SAMD3: variants seen among roughly 807,000 people sequenced by gnomAD.
SAMD3 encodes the protein sterile alpha motif domain containing 3.
In SAMD3, 63 loss-of-function variants were observed where a neutral mutation model predicts 58.5. That is an observed-to-expected ratio of 1.08 (90% CI 0.88 to 1.33). The LOEUF (loss-of-function observed/expected upper bound fraction) is 1.33. Ranked by LOEUF, SAMD3 falls within the 40% of genes most tolerant of loss-of-function variation. SAMD3 has a pLI of 0.00. For missense variants in SAMD3, 604 were observed against 608.4 expected (o/e 0.99, Z 0.08); for synonymous variants, 220 against 210.3 (o/e 1.05, Z -0.40).
At chr6:130,176,080 A>T in intron 7 of SAMD3, 72 bp from the exon 8 acceptor site, 1 of 1,167,136 alleles carries the variant, frequency 8.6e-7, no homozygotes, top group Non-Finnish European at 1.3e-6. Flanking sequence ...ACGTCTATAC[A>T]ACAACAATAC....
chr6:130,168,432 CA>C (rs1245330087), intron 8 of SAMD3, among the ~76,000 whole-genome samples: 1 of 150,966 alleles, frequency 6.6e-6, no homozygotes, highest in African/African-American at 2.4e-5. Context: ...AAACACCACC[CA>C]AAAAAAACAA....
At position 130,364,830 on chromosome 6, in the gene SAMD3, T is replaced by C. The variant is rs150838332; in HGVS notation, c.-304+290A>G. Among the ~76,000 whole-genome samples, 9 of 152,186 alleles carry C rather than the reference T, an allele frequency of 5.9e-5. No homozygotes were observed. In the East Asian group the frequency reaches 1.7e-3, roughly 29 times the overall value. ...TCTACAGTCTCTTCTCATTGCCATA[T>C]CTGATTTTAAAGACTTTTTTTTCTA... On this transcript the variant is annotated intron_variant, in intron 1 of 13. Transcript: ENST00000368134.
chr6:130,261,847 T>C (rs7756111), intron 2 of SAMD3, among the ~76,000 whole-genome samples: 74,238 of 151,584 alleles, frequency 0.49, 22,043 homozygotes, highest in African/African-American at 0.84. Context: ...ATCCCGGGCA[T>C]CCAGACCAGT....
intron 2 of SAMD3, among the ~76,000 whole-genome samples, chr6:130,259,763 CAG>C (rs1325899553): frequency 2.6e-5 from 4 of 152,162 alleles, no homozygotes; most frequent in African/African-American, 9.7e-5. Flanking sequence ...GGAAGTAACA[CAG>C]AGAGAGCCTG....
intron 5 of SAMD3, among the ~76,000 whole-genome samples, chr6:130,189,368 A>G (rs983380421): frequency 1.3e-5 from 2 of 152,240 alleles, no homozygotes; most frequent in Admixed American, 1.3e-4. Context: ...GGTCCTCAAC[A>G]GAAATGGAAG....
chr6:130,161,843 A>C (rs1790307580), intron 8 of SAMD3: 1 of 157,432 alleles, frequency 6.4e-6, no homozygotes, highest in Non-Finnish European at 1.4e-5. Flanking sequence ...CGTTGAAATG[A>C]GGCAACTAGT....
At chr6:130,269,536 A>C (rs1774483518) in intron 2 of SAMD3, among the ~76,000 whole-genome samples, 1 of 152,134 alleles carries the variant, frequency 6.6e-6, no homozygotes, top group Admixed American at 6.5e-5. Flanking sequence ...TATCCCTTTA[A>C]TGGCTAAAGG....
chr6:130,351,279 G>A (rs1260171759), intron 1 of SAMD3, among the ~76,000 whole-genome samples: 1 of 152,150 alleles, frequency 6.6e-6, no homozygotes, highest in Non-Finnish European at 1.5e-5. Context: ...TACCATCAGA[G>A]TGAACAGGCA....
chr6:130,154,782 A>G (rs1458827608), intron 9 of SAMD3, 43 bp downstream of exon 9: 3 of 991,986 alleles, frequency 3.0e-6, no homozygotes, highest in Non-Finnish European at 4.6e-6. Flanking sequence ...GTGTGTGTAT[A>G]TACATATATA....
intron 2 of SAMD3, among the ~76,000 whole-genome samples, chr6:130,255,721 T>G (rs1047885084): frequency 6.6e-6 from 1 of 152,080 alleles, no homozygotes; most frequent in Non-Finnish European, 1.5e-5. Context: ...CTTGAACTCC[T>G]GAACTCAAGC....
At chr6:130,334,670 T>G (rs6903397) in intron 1 of SAMD3, among the ~76,000 whole-genome samples, 1 of 152,216 alleles carries the variant, frequency 6.6e-6, no homozygotes, top group African/African-American at 2.4e-5. Flanking sequence ...TTAAAGAGGT[T>G]ACATGCATTT....
At chr6:130,223,690 T>C (rs1796301620), upstream of SAMD3, among the ~76,000 whole-genome samples, 1 of 152,082 alleles carries the variant, frequency 6.6e-6, no homozygotes, top group African/African-American at 2.4e-5. Flanking sequence ...GGGCGTGCGA[T>C]GGGTGTGACT....
chr6:130,306,651 G>C (rs1775920976), intron 2 of SAMD3, among the ~76,000 whole-genome samples: 1 of 152,196 alleles, frequency 6.6e-6, no homozygotes, highest in Non-Finnish European at 1.5e-5. Context: ...CAGATGGCAA[G>C]GAGATTATGA....
At chr6:130,260,850 C>T (rs1774100988) in intron 2 of SAMD3, among the ~76,000 whole-genome samples, 1 of 152,224 alleles carries the variant, frequency 6.6e-6, no homozygotes, top group African/African-American at 2.4e-5. Flanking sequence ...GGAACTGGTA[C>T]TTGGAGTCTG....
At chr6:130,313,011 C>A (rs1368243618) in exon 2 of SAMD3, 1 of 152,294 alleles carries the variant, frequency 6.6e-6, no homozygotes, top group Non-Finnish European at 1.5e-5. Context: ...ATCTGTGGGG[C>A]TTTTCTTTTG....
At chr6:130,343,807 A>T (rs1329597736) in intron 1 of SAMD3, among the ~76,000 whole-genome samples, 2 of 151,978 alleles carry the variant, frequency 1.3e-5, no homozygotes, top group African/African-American at 4.8e-5. Flanking sequence ...TCTACTAAAA[A>T]TACAAAAATT....
intron 2 of SAMD3, among the ~76,000 whole-genome samples, chr6:130,273,097 C>T (rs1025011617): frequency 2.0e-5 from 3 of 151,704 alleles, no homozygotes; most frequent in Non-Finnish European, 4.4e-5. Context: ...CTGACACTGG[C>T]TCTGAGGTGA....
At chr6:130,204,449 A>C (rs1025221566) in intron 5 of SAMD3, among the ~76,000 whole-genome samples, 1 of 152,144 alleles carries the variant, frequency 6.6e-6, no homozygotes, top group Non-Finnish European at 1.5e-5. Flanking sequence ...TCTACAAAAA[A>C]TACAAAAATT....
chr6:130,331,118 A>C (rs905173896), intron 1 of SAMD3, among the ~76,000 whole-genome samples: 1 of 152,222 alleles, frequency 6.6e-6, no homozygotes, highest in African/African-American at 2.4e-5. Context: ...GAGCAGAAAA[A>C]GTAGAATTTG....
Sources: gnomAD v4.1 joint callset for allele counts (sites outside exome capture counted in the v4.1 genomes callset) on GRCh38, gnomAD v4.1.1 for gene constraint, MANE v1.5 for transcripts, NCBI Gene and HGNC (gene_info 2026-07-23, HGNC 2026-07-21) for gene names.